Variants in NECAB1 observed in about 807,000 individuals in gnomAD.
The protein encoded by NECAB1 is N-terminal EF-hand calcium-binding protein 1.
Under a neutral mutation model 57.5 loss-of-function variants are expected in NECAB1, and 29 were observed. The ratio of observed to expected loss-of-function variants is 0.50; its 90% CI spans 0.38 to 0.69. The LOEUF is 0.69. Ranked by LOEUF, NECAB1 falls within the 30% of genes least tolerant of loss-of-function variation. The pLI is 0.00. For synonymous variants in NECAB1, 142 were observed against 147.7 expected (o/e 0.96, Z 0.28); for missense variants, 372 against 413.8 (o/e 0.90, Z 0.88).
chr8:90,854,345 A>C (rs1812751324), intron 3 of NECAB1, among the ~76,000 whole-genome samples: 1 of 152,212 alleles, frequency 6.6e-6, no homozygotes, highest in Admixed American at 6.5e-5. Flanking sequence ...ACTCATGAGT[A>C]CCTGGTCAGC....
At chr8:90,870,673 G>A (rs375378677) in intron 3 of NECAB1, among the ~76,000 whole-genome samples, 55 of 152,114 alleles carry the variant, frequency 3.6e-4, no homozygotes, top group African/African-American at 1.2e-3. Context: ...TATTTCCCTC[G>A]TAACAACTAT....
intron 3 of NECAB1, among the ~76,000 whole-genome samples, chr8:90,864,775 G>A (rs1159685994): frequency 6.6e-6 from 1 of 152,050 alleles, no homozygotes. Flanking sequence ...GGGGAAGAGG[G>A]GATAGCTTTT....
chr8:90,945,549 G>C (rs570629875), intron 10 of NECAB1, among the ~76,000 whole-genome samples: 1 of 152,252 alleles, frequency 6.6e-6, no homozygotes, highest in South Asian at 2.1e-4. Flanking sequence ...CCCACAGCTT[G>C]GTATGGAGAA....
intron 2 of NECAB1, among the ~76,000 whole-genome samples, chr8:90,817,299 T>C (rs1812074874): frequency 1.3e-5 from 2 of 151,734 alleles, no homozygotes; most frequent in African/African-American, 4.8e-5. Context: ...ATATAATATA[T>C]ATCCTTTATT....
intron 8 of NECAB1, 23 bp from the exon 9 acceptor site, chr8:90,934,281 G>A (rs1030077369): frequency 6.7e-6 from 10 of 1,495,228 alleles, no homozygotes; most frequent in Non-Finnish European, 8.9e-6. Context: ...TTTCTTTTCT[G>A]CCATTTCTTC....
At chr8:90,869,265 C>A (rs1808575431) in intron 3 of NECAB1, among the ~76,000 whole-genome samples, 1 of 152,196 alleles carries the variant, frequency 6.6e-6, no homozygotes, top group Admixed American at 6.5e-5. Flanking sequence ...TCTACTAGGG[C>A]AGAGCAGAGA....
chr8:90,804,814 C>T (rs1811821189), intron 2 of NECAB1, among the ~76,000 whole-genome samples: 1 of 152,060 alleles, frequency 6.6e-6, no homozygotes, highest in Admixed American at 6.6e-5. Flanking sequence ...GGGTTTAAAC[C>T]ACAAGTATGC....
intron 5 of NECAB1, among the ~76,000 whole-genome samples, chr8:90,916,356 T>G (rs1809951918): frequency 6.6e-6 from 1 of 152,194 alleles, no homozygotes; most frequent in East Asian, 1.9e-4. Context: ...TGAGTTGGAA[T>G]GTATGCCAGA....
chr8:90,815,962 C>A (rs899417539), intron 2 of NECAB1, among the ~76,000 whole-genome samples: 4 of 151,820 alleles, frequency 2.6e-5, no homozygotes, highest in African/African-American at 9.7e-5. Context: ...AAGAATGTAC[C>A]AAAATGTCTT....
intron 3 of NECAB1, among the ~76,000 whole-genome samples, chr8:90,849,239 G>C (rs968619842): frequency 6.6e-6 from 1 of 152,202 alleles, no homozygotes; most frequent in African/African-American, 2.4e-5. Context: ...GGAAGCCACA[G>C]AAGGGAGTCA....
chr8:90,796,620 C>T (rs896429516), intron 1 of NECAB1, among the ~76,000 whole-genome samples: 9 of 152,104 alleles, frequency 5.9e-5, no homozygotes, highest in Admixed American at 2.0e-4. Context: ...TGAATTGTAG[C>T]GAAAACACAG....
chr8:90,899,682 CAT>C (rs1268663554), intron 5 of NECAB1, among the ~76,000 whole-genome samples: 1 of 152,156 alleles, frequency 6.6e-6, no homozygotes, highest in African/African-American at 2.4e-5. Flanking sequence ...TCTTGTCCCT[CAT>C]GTGTGTGATA....
chr8:90,791,778 C>G lies in NECAB1; in HGVS notation c.-109C>G. 1.2e-6 allele frequency: 1 copy of G among 833,812 alleles called. No homozygotes were observed. The highest frequency in any genetic ancestry group is 1.6e-5 in the South Asian group (1 of 60,888). The allele number at this position is 833,812 out of a possible 1,614,324, so 51.7% of individuals were successfully genotyped here. On this transcript the variant is annotated 5_prime_UTR_variant, in exon 1 of 13. Transcript: ENST00000417640. ...GGCGCGCGCGGGAGCGAACACCCTC[C>G]CGGATCCAGAGCCCGGCGGCGGCGA...
chr8:90,814,675 G>A (rs1247640998), intron 2 of NECAB1, among the ~76,000 whole-genome samples: 3 of 152,004 alleles, frequency 2.0e-5, no homozygotes, highest in Non-Finnish European at 4.4e-5. Context: ...GTTGACTACT[G>A]TGTTCCTTTG....
At chr8:90,849,963 G>T (rs1812652319) in intron 3 of NECAB1, among the ~76,000 whole-genome samples, 2 of 152,122 alleles carry the variant, frequency 1.3e-5, no homozygotes, top group African/African-American at 4.8e-5. Context: ...AGGGACTGTG[G>T]TCTAGCATTA....
intron 9 of NECAB1, among the ~76,000 whole-genome samples, chr8:90,934,913 C>T (rs987088534): frequency 1.3e-5 from 2 of 152,044 alleles, no homozygotes; most frequent in African/African-American, 2.4e-5. Context: ...CTAAAAAGTA[C>T]ATTAAGATGC....
intron 2 of NECAB1, among the ~76,000 whole-genome samples, chr8:90,817,375 G>A (rs1812076256): frequency 6.6e-6 from 1 of 151,548 alleles, no homozygotes; most frequent in African/African-American, 2.4e-5. Context: ...GGTGAAAAAG[G>A]ATACTTCCTA....
intron 3 of NECAB1, among the ~76,000 whole-genome samples, chr8:90,863,885 C>T (rs1808456933): frequency 1.3e-5 from 2 of 151,986 alleles, no homozygotes; most frequent in Admixed American, 1.3e-4. Flanking sequence ...TCTGACACAA[C>T]CCACATTTCT....
intron 3 of NECAB1, among the ~76,000 whole-genome samples, chr8:90,833,756 C>T (rs937369268): frequency 2.0e-5 from 3 of 152,104 alleles, no homozygotes; most frequent in African/African-American, 7.2e-5. Flanking sequence ...GTGCTCACTT[C>T]GTGGACAGTA....
Sources: gnomAD v4.1 joint callset for allele counts (sites outside exome capture counted in the v4.1 genomes callset) on GRCh38, gnomAD v4.1.1 for gene constraint, MANE v1.5 for transcripts, NCBI Gene and HGNC (gene_info 2026-07-23, HGNC 2026-07-21) for gene names.